DERA: variants seen among roughly 807,000 people sequenced by gnomAD.
DERA encodes the protein deoxyribose-phosphate aldolase.
Under a neutral mutation model 41.1 loss-of-function variants are expected in DERA, and 15 were observed. The observed-to-expected ratio is 0.37, with a 90% CI of 0.24 to 0.56. The LOEUF (loss-of-function observed/expected upper bound fraction) is 0.56. Among genes scored for constraint, DERA ranks in the 20% least tolerant of loss-of-function variants. The pLI is 0.81. For missense variants in DERA, 396 were observed against 403.4 expected (o/e 0.98, Z 0.16); for synonymous variants, 139 against 137.4 (o/e 1.01, Z -0.08).
In DERA at chr12:15,988,581, G is replaced by C. The variant is rs1047582997; in HGVS notation, c.637+6145G>C. ...AGTGCATGCTGATTGGTCCATGGGC[G>C]GCCATGGATGGGCCTGGAAAAAGCA... is the stretch of plus-strand genomic sequence containing the variant. On this transcript the variant is annotated intron_variant, in intron 6 of 8. Coordinates refer to ENST00000428559, the MANE Select transcript of DERA (RefSeq NM_015954.4). This position sits in a 1 kb window ranked among gnomAD's most constrained non-coding sequence, Gnocchi z 6.0. Among the ~76,000 whole-genome samples, 1 of 152,080 alleles carries C rather than the reference G, an allele frequency of 6.6e-6. No homozygotes were observed. Among genetic ancestry groups the C allele is most frequent in the Non-Finnish European group, 1.5e-5 (1 of 68,008 alleles).
rs565469309 is a variant in DERA, at chr12:15,957,638, C to T, written c.130-550C>T. Among the ~76,000 whole-genome samples, 2 of 152,210 alleles carry T rather than the reference C, an allele frequency of 1.3e-5. 1 individual carries two copies. Among genetic ancestry groups the T allele is most frequent in the African/African-American group, 4.8e-5 (2 of 41,536 alleles). ...TTGAATCCTTGAGAGTGATAGTTCA[C>T]GTTTTGCTCATCCTTAGAAATATTC... On this transcript the variant is annotated intron_variant, in intron 2 of 8. Transcript: ENST00000428559. The surrounding 1 kb of genome is among the most constrained non-coding windows in gnomAD (Gnocchi z 4.8).
chr12:15,986,229 T>C (rs1191276853), intron 6 of DERA, among the ~76,000 whole-genome samples: 1 of 152,312 alleles, frequency 6.6e-6, no homozygotes, highest in East Asian at 1.9e-4. Flanking sequence ...TCAACCCATC[T>C]GTGGCTATAT....
intron 5 of DERA, among the ~76,000 whole-genome samples, chr12:15,974,007 A>G (rs994418059): frequency 1.3e-5 from 2 of 152,222 alleles, no homozygotes; most frequent in African/African-American, 4.8e-5. Context: ...AGATTCTCCA[A>G]TTATAAAGTG....
intron 6 of DERA, among the ~76,000 whole-genome samples, chr12:16,031,803 A>T (rs1949094119): frequency 6.6e-6 from 1 of 152,180 alleles, no homozygotes; most frequent in Non-Finnish European, 1.5e-5. Flanking sequence ...AGATCGTATT[A>T]CTATGATCTC....
chr12:15,940,647 G>T lies in DERA; in HGVS notation c.32-16289G>T, dbSNP rs899847191. On this transcript the variant is annotated intron_variant, in intron 1 of 8. Transcript: ENST00000428559. The surrounding 1 kb of genome is among the most constrained non-coding windows in gnomAD (Gnocchi z 5.1). Reference sequence around the variant, plus strand: ...ATTACAGGCGTGAGCCACCGCATCCGGCCTGCTTTACTTCTTACACATTCA... The same window carrying T: ...ATTACAGGCGTGAGCCACCGCATCCTGCCTGCTTTACTTCTTACACATTCA... 6.6e-6 allele frequency among the ~76,000 whole-genome samples: 1 copy of T among 152,098 alleles called. No individual in the cohort carries two copies. Among genetic ancestry groups the T allele is most frequent in the Admixed American group, 6.6e-5 (1 of 15,252 alleles).
At position 15,936,855 on chromosome 12, in the gene DERA, C is replaced by G. The variant is rs915627254; in HGVS notation, c.32-20081C>G. Among the ~76,000 whole-genome samples, 3 of 128,180 alleles carry G rather than the reference C, an allele frequency of 2.3e-5. No homozygotes were observed. Among genetic ancestry groups the G allele is most frequent in the Non-Finnish European group, 3.2e-5 (2 of 61,604 alleles). The allele number at this position is 128,180 out of a possible 152,430, so 84.1% of individuals were successfully genotyped here. On this transcript the variant is annotated intron_variant, in intron 1 of 8. Transcript: ENST00000428559. The surrounding 1 kb of genome is among the most constrained non-coding windows in gnomAD (Gnocchi z 4.6). ...TTCTGCATCTTCTGTCTTGTGTTGT[C>G]TTGTCTTGTCTTGTCTTGTCTTGTC...
intron 4 of DERA, among the ~76,000 whole-genome samples, chr12:15,960,648 A>AAAAC (rs1948579743): frequency 1.3e-5 from 2 of 148,768 alleles, no homozygotes; most frequent in Non-Finnish European, 3.0e-5. Flanking sequence ...AAAAAAAAAA[A>AAAAC]AAAAAAAAAA....
In DERA at chr12:15,994,350, G is replaced by A. The variant is rs114273420; in HGVS notation, c.637+11914G>A. ...CACATGACATAGAGGCTAGACCTGT[G>A]TTCATGTGTCTGAGATTCTGTTATT... On this transcript the variant is annotated intron_variant, in intron 6 of 8. Coordinates refer to ENST00000428559, the MANE Select transcript of DERA (RefSeq NM_015954.4). The surrounding 1 kb of genome is among the most constrained non-coding windows in gnomAD (Gnocchi z 4.8). Among the ~76,000 whole-genome samples, 431 of 152,324 alleles carry A rather than the reference G, an allele frequency of 2.8e-3. 1 individual carries two copies. The highest frequency in any genetic ancestry group is 1.0e-2 in the African/African-American group (414 of 41,576).
In DERA at chr12:16,036,403, T is replaced by C; in HGVS notation, c.900+22T>C. 1 of 1,565,038 alleles carries C rather than the reference T, an allele frequency of 6.4e-7. No homozygotes were observed. The highest frequency in any genetic ancestry group is 8.6e-7 in the Non-Finnish European group (1 of 1,159,888). ...GCAGGTGAGTAATCATCTCTGTCTT[T>C]GGAATAAATTAACAAGTGTTTTTTG... On this transcript the variant is annotated intron_variant, in intron 8 of 8. Coordinates refer to ENST00000428559, the MANE Select transcript of DERA (RefSeq NM_015954.4). This position sits in a 1 kb window ranked among gnomAD's most constrained non-coding sequence, Gnocchi z 4.9.
rs12816373 is a variant in DERA, at chr12:16,014,583, T to G, written c.638-17959T>G. 3.3e-3 allele frequency among the ~76,000 whole-genome samples: 498 copies of G among 152,310 alleles called. 1 individual carries two copies. Among genetic ancestry groups the G allele is most frequent in the Non-Finnish European group, 4.3e-3 (294 of 68,020 alleles). On this transcript the variant is annotated intron_variant, in intron 6 of 8. Coordinates refer to ENST00000428559, the MANE Select transcript of DERA (RefSeq NM_015954.4). This position sits in a 1 kb window ranked among gnomAD's most constrained non-coding sequence, Gnocchi z 5.4. ...ATCGCCTGGATGTCCTGGCAGAAGT[T>G]TACTGCAGAGGGGAGCCCTCGTGGA...
intron 6 of DERA, among the ~76,000 whole-genome samples, chr12:16,023,009 C>T (rs147433494): frequency 1.4e-4 from 21 of 152,204 alleles, no homozygotes; most frequent in South Asian, 4.1e-4. Context: ...AGTCTTTTCC[C>T]GCTTGAGAGA....
rs545596995 is a variant in DERA at position 16,001,988 on chromosome 12, T to A, written c.637+19552T>A. ...TGTAACAGCAAGGTTATTCTTTTTT[T>A]TTATTATTATTATGCTTTAAGTTTT... On this transcript the variant is annotated intron_variant, in intron 6 of 8. Coordinates refer to ENST00000428559, the MANE Select transcript of DERA (RefSeq NM_015954.4). The surrounding 1 kb of genome is among the most constrained non-coding windows in gnomAD (Gnocchi z 4.1). Among the ~76,000 whole-genome samples, 15 of 152,270 alleles carry A rather than the reference T, an allele frequency of 9.9e-5. No homozygotes were observed. The highest frequency in any genetic ancestry group is 2.4e-4 in the African/African-American group (10 of 41,542).
In DERA at chr12:15,994,515, G is replaced by A. The variant is rs951058352; in HGVS notation, c.637+12079G>A. Among the ~76,000 whole-genome samples the A allele has an allele frequency of 5.3e-5, 8 of 152,118 alleles. No homozygotes were observed. The highest frequency in any genetic ancestry group is 9.7e-5 in the African/African-American group (4 of 41,426). On this transcript the variant is annotated intron_variant, in intron 6 of 8. Coordinates refer to ENST00000428559, the MANE Select transcript of DERA (RefSeq NM_015954.4). The surrounding 1 kb of genome is among the most constrained non-coding windows in gnomAD (Gnocchi z 4.8). ...GTCGCCCAGGCTGGAGTGCAGTGGC[G>A]CGATCTCTGCTCACTGCAAGCTCTG... is the stretch of plus-strand genomic sequence containing the variant.
chr12:15,962,033 T>C (rs1948591849), intron 4 of DERA, among the ~76,000 whole-genome samples: 1 of 152,248 alleles, frequency 6.6e-6, no homozygotes, highest in South Asian at 2.1e-4. Context: ...CAAGAGCCAC[T>C]GTGCCCAGCC....
At position 15,967,652 on chromosome 12, in the gene DERA, TTC is replaced by T. The variant is rs1204856154; in HGVS notation, c.508+4707_508+4708del. The stretch of plus-strand genomic sequence containing the variant: ...TCTTGTGCTTTTTGATTTATGTATC[TTC>T]TTATTTGTTACTGTTTTTTTGCCTA... On this transcript the variant is annotated intron_variant, in intron 5 of 8. Transcript: ENST00000428559. The surrounding 1 kb of genome is among the most constrained non-coding windows in gnomAD (Gnocchi z 4.9). Among the ~76,000 whole-genome samples the T allele has an allele frequency of 6.6e-6, 1 of 152,188 alleles. No homozygotes were observed. The highest frequency in any genetic ancestry group is 6.5e-5 in the Admixed American group (1 of 15,278).
rs186269936 is a variant in DERA at position 15,986,305 on chromosome 12, G to A, written c.637+3869G>A. Reference sequence around the variant, plus strand: ...ATTATGACAGTTTCTACTTTTTAGAGTGTTTTATTCATTTACATTTCATGT... The same window carrying A: ...ATTATGACAGTTTCTACTTTTTAGAATGTTTTATTCATTTACATTTCATGT... On this transcript the variant is annotated intron_variant, in intron 6 of 8. Coordinates refer to ENST00000428559, the MANE Select transcript of DERA (RefSeq NM_015954.4). Among the ~76,000 whole-genome samples, 149 of 152,152 alleles carry A rather than the reference G, an allele frequency of 9.8e-4. 2 individuals carry two copies. Among genetic ancestry groups the A allele is most frequent in the Non-Finnish European group, 2.4e-4 (16 of 67,986 alleles).
intron 6 of DERA, among the ~76,000 whole-genome samples, chr12:16,025,629 T>C (rs1025877639): frequency 1.2e-4 from 18 of 152,114 alleles, no homozygotes; most frequent in African/African-American, 4.3e-4. Context: ...GCTCCTCTTT[T>C]AGTCACTGAT....
intron 6 of DERA, among the ~76,000 whole-genome samples, chr12:16,032,109 T>A (rs1255734090): frequency 6.6e-6 from 1 of 152,236 alleles, no homozygotes. Flanking sequence ...CTTCTTGAGC[T>A]GTCACAACTG....
chr12:16,005,306 C>T (rs943134281), intron 6 of DERA, among the ~76,000 whole-genome samples: 38 of 152,082 alleles, frequency 2.5e-4, no homozygotes, highest in African/African-American at 9.2e-4. Flanking sequence ...ATTAGCAGGG[C>T]ACGGTAAGGC....
Sources: gnomAD v4.1 joint callset for allele counts (sites outside exome capture counted in the v4.1 genomes callset) on GRCh38, gnomAD v4.1.1 for gene constraint, Gnocchi (gnomAD v3.1) non-coding constraint, MANE v1.5 for transcripts, NCBI Gene and HGNC (gene_info 2026-07-23, HGNC 2026-07-21) for gene names.